Variants in CCDC3 observed in about 807,000 individuals in gnomAD.
CCDC3 encodes coiled-coil domain-containing protein 3.
CCDC3 carries 24 observed loss-of-function variants against 21.4 expected under a neutral mutation model. The observed-to-expected ratio is 1.12, with a 90% CI of 0.81 to 1.58. The LOEUF (loss-of-function observed/expected upper bound fraction) is 1.58. Among genes scored for constraint, CCDC3 ranks in the 40% most tolerant of loss-of-function variants. The pLI is 0.00. For missense variants in CCDC3, 425 were observed against 360.9 expected, an observed-to-expected ratio of 1.18 and a Z score of -1.44; for synonymous variants, 186 against 166.0, an observed-to-expected ratio of 1.12 and a Z score of -0.93.
intron 4 of CCDC3, among the ~76,000 whole-genome samples, chr10:13,063,249 G>T (rs1836782598): frequency 3.4e-5 from 1 of 29,352 alleles, no homozygotes. Flanking sequence ...TGATTTATCA[G>T]CTCTGTCTAG....
At chr10:12,975,112 G>A (rs1357289302) in intron 2 of CCDC3, among the ~76,000 whole-genome samples, 1 of 152,204 alleles carries the variant, frequency 6.6e-6, no homozygotes, top group African/African-American at 2.4e-5. Flanking sequence ...ACTAGGTAGG[G>A]TTTTCTGGCT....
At chr10:12,953,505 G>A (rs769977516) in intron 2 of CCDC3, among the ~76,000 whole-genome samples, 7 of 152,212 alleles carry the variant, frequency 4.6e-5, no homozygotes, top group Non-Finnish European at 7.3e-5. Context: ...GAAGCAAAAG[G>A]AAAACAGAAG....
chr10:13,013,909 G>A (rs540838528), intron 5 of CCDC3, among the ~76,000 whole-genome samples: 3 of 152,262 alleles, frequency 2.0e-5, no homozygotes, highest in Admixed American at 6.5e-5. Flanking sequence ...CCAGCGCTTT[G>A]GGAGGCCGAG....
At chr10:12,917,666 G>A (rs1367238777) in intron 2 of CCDC3, among the ~76,000 whole-genome samples, 1 of 152,078 alleles carries the variant, frequency 6.6e-6, no homozygotes, top group Non-Finnish European at 1.5e-5. Flanking sequence ...CCTATTTCTT[G>A]GAACACAGTG....
rs544753558 is a variant in CCDC3 at position 13,025,748 on chromosome 10, C to G, written c.-2+23926G>C. Among the ~76,000 whole-genome samples, 8 of 152,256 alleles carry G rather than the reference C, an allele frequency of 5.3e-5. No individual in the cohort carries two copies. In the South Asian group the frequency reaches 1.0e-3, roughly 20 times the overall value. ...TTTGTTTTTCACTTAGCTTTTGTAA[C>G]TTGAGTCTCACTCTCAGATCAAGAA... On this transcript the variant is annotated intron_variant, in intron 5 of 6. Coordinates refer to the CCDC3 transcript ENST00000378839.
At chr10:12,915,922 CT>C (rs2131209632) in intron 2 of CCDC3, among the ~76,000 whole-genome samples, 1 of 152,092 alleles carries the variant, frequency 6.6e-6, no homozygotes, top group African/African-American at 2.4e-5. Flanking sequence ...GCACCAGGGT[CT>C]GCAGGGTGGA....
At chr10:13,097,039 A>G (rs1326817785) in intron 3 of CCDC3, among the ~76,000 whole-genome samples, 1 of 152,238 alleles carries the variant, frequency 6.6e-6, no homozygotes, top group African/African-American at 2.4e-5. Flanking sequence ...GAAGGTAGGA[A>G]GCCCAAAGGG....
chr10:13,072,755 G>C (rs1836899204), intron 4 of CCDC3, among the ~76,000 whole-genome samples: 1 of 151,826 alleles, frequency 6.6e-6, no homozygotes, highest in East Asian at 1.9e-4. Flanking sequence ...AAAGTCTCCT[G>C]GTCATGTGAC....
At chr10:12,943,112 G>C (rs75655220) in intron 2 of CCDC3, among the ~76,000 whole-genome samples, 1 of 151,892 alleles carries the variant, frequency 6.6e-6, no homozygotes, top group Non-Finnish European at 1.5e-5. Context: ...TGGCTTAAGC[G>C]CTTATATAAA....
intron 2 of CCDC3, among the ~76,000 whole-genome samples, chr10:12,965,197 C>T (rs1835243432): frequency 6.6e-6 from 1 of 152,066 alleles, no homozygotes; most frequent in African/African-American, 2.4e-5. Context: ...CCTGCTTTCC[C>T]CAAAAAGAGG....
At chr10:13,050,707 C>T (rs964314930) in intron 4 of CCDC3, among the ~76,000 whole-genome samples, 2 of 152,114 alleles carry the variant, frequency 1.3e-5, no homozygotes, top group East Asian at 3.9e-4. Flanking sequence ...GATCCACCCG[C>T]CTCAGCCTCC....
intron 2 of CCDC3, among the ~76,000 whole-genome samples, chr10:12,976,530 C>T (rs1835420393): frequency 1.3e-5 from 2 of 152,224 alleles, no homozygotes; most frequent in Admixed American, 6.5e-5. Context: ...TGAGAATCCA[C>T]AGCCACAAGG....
At chr10:13,031,636 C>T (rs564942060) in intron 5 of CCDC3, among the ~76,000 whole-genome samples, 1 of 151,808 alleles carries the variant, frequency 6.6e-6, no homozygotes, top group Admixed American at 6.6e-5. Context: ...CAAATAGATG[C>T]AACAAAAAAT....
At chr10:12,912,693 C>T (rs555424440) in intron 2 of CCDC3, among the ~76,000 whole-genome samples, 4 of 152,228 alleles carry the variant, frequency 2.6e-5, no homozygotes, top group African/African-American at 9.6e-5. Context: ...TTGCCCAGAC[C>T]AATGTCATGG....
chr10:13,038,940 A>C (rs1836414004), intron 5 of CCDC3, among the ~76,000 whole-genome samples: 2 of 152,254 alleles, frequency 1.3e-5, no homozygotes, highest in South Asian at 4.1e-4. Flanking sequence ...CGACTTCTGG[A>C]AGTCCAGTTC....
rs191370041 is a variant in CCDC3 at position 12,903,816 on chromosome 10, A to G, written c.550-5137T>C. On this transcript the variant is annotated intron_variant, in intron 2 of 2. Transcript: ENST00000378825. ...CATACTTCCTTATCTGTCTAAAATA[A>G]CACTTTTTAAAACCATCAAAGCACA... Among the ~76,000 whole-genome samples, 684 of 151,614 alleles carry G rather than the reference A, an allele frequency of 4.5e-3. 9 individuals are homozygous for G. Among genetic ancestry groups the G allele is most frequent in the African/African-American group, 0.015 (628 of 41,458 alleles).
intron 5 of CCDC3, among the ~76,000 whole-genome samples, chr10:13,025,276 A>G (rs1033105776): frequency 3.3e-5 from 5 of 152,212 alleles, no homozygotes; most frequent in African/African-American, 1.2e-4. Context: ...AGGGTTTCTC[A>G]TAACATGGCA....
At chr10:12,916,249 T>A (rs12241651) in intron 2 of CCDC3, among the ~76,000 whole-genome samples, 18 of 151,996 alleles carry the variant, frequency 1.2e-4, no homozygotes, top group Non-Finnish European at 8.8e-5. Context: ...CTGGCCAACA[T>A]GGTGAAACCC....
chr10:12,939,187 C>G (rs974687432), intron 2 of CCDC3, among the ~76,000 whole-genome samples: 4 of 152,166 alleles, frequency 2.6e-5, no homozygotes, highest in African/African-American at 9.7e-5. Context: ...TTGCTTCCTA[C>G]TTTATAAATC....
Sources: allele counts gnomAD v4.1 joint callset (sites outside exome capture counted in the v4.1 genomes callset), GRCh38; gene constraint gnomAD v4.1.1; transcripts MANE v1.5; gene names NCBI Gene and HGNC (gene_info 2026-07-23, HGNC 2026-07-21).